Variants in ZNF154 observed in about 807,000 individuals in gnomAD.
ZNF154 encodes the protein zinc finger protein 154.
Under a neutral mutation model 7.5 loss-of-function variants are expected in ZNF154, and 6 were observed. That is an observed-to-expected ratio of 0.80 (90% CI 0.44 to 1.57). The LOEUF is 1.57. ZNF154 is among the 40% of genes most tolerant of loss of function. The pLI is 0.01. For missense variants in ZNF154, 485 were observed against 531.4 expected (o/e 0.91, Z 0.86); for synonymous variants, 187 against 185.9 (o/e 1.01, Z -0.05).
Position 57,702,780 on chromosome 19 carries a change from G to A in ZNF154, c.169C>T (p.His57Tyr). ...TTTTCTCCAAGGTGCTGCTTCTGAT[G>A]ATGAACATCTGCAATGAAATACAAT... is the stretch of plus-strand genomic sequence containing the variant. ...LALLTSLDVH[H>Y]QKQHLGEKHF... Residue 57 changes from histidine (H) to tyrosine (Y), a missense_variant, in exon 3 of 3, where the codon CAT (histidine) becomes TAT (tyrosine). Transcript: ENST00000684351. The A allele has an allele frequency of 6.3e-7, 1 of 1,597,556 alleles. No homozygotes were observed. The highest frequency in any genetic ancestry group is 8.6e-7 in the Non-Finnish European group (1 of 1,168,384).
In ZNF154 at chr19:57,701,910, G is replaced by A; in HGVS notation, c.1039C>T (p.His347Tyr). The part of the protein sequence containing the change: ...SFSQRSALLQ[H>Y]RGVHTGERPY... ...CTCTCCCCAGTGTGAACTCCCCGAT[G>A]TTGAAGGAGTGCAGACCTTTGGCTA... The change falls in exon 3 of 3, where the codon CAT becomes TAT. Residue 347 changes from histidine (H) to tyrosine (Y), a missense_variant. Physicochemically the swap from His to Tyr is moderately conservative, Grantham distance 83 (BLOSUM62 2). Transcript: ENST00000684351. 6.2e-7 allele frequency: 1 copy of A among 1,613,990 alleles called. No homozygotes were observed. The highest frequency in any genetic ancestry group is 8.5e-7 in the Non-Finnish European group (1 of 1,179,978).
At chr19:57,706,645 A>C (rs1985405297) in intron 1 of ZNF154, among the ~76,000 whole-genome samples, 1 of 152,230 alleles carries the variant, frequency 6.6e-6, no homozygotes, top group Non-Finnish European at 1.5e-5. Context: ...TTGAAAGTGT[A>C]TGCCACCTGC....
Position 57,701,415 on chromosome 19 carries a change from G to C in ZNF154, c.*220C>G. 1.7e-6 allele frequency: 1 copy of C among 574,996 alleles called. No homozygotes were observed. The highest frequency in any genetic ancestry group is 3.1e-6 in the Non-Finnish European group (1 of 324,698). The allele number at this position is 574,996 out of a possible 1,614,324, so 35.6% of individuals were successfully genotyped here. A position where few individuals can be genotyped will look rare whatever the true frequency, so the allele number is the denominator to read the frequency against. On this transcript the variant is annotated 3_prime_UTR_variant, in exon 3 of 3. Coordinates refer to ENST00000684351, the MANE Select transcript of ZNF154 (RefSeq NM_001085384.3). ...GAATTTATGCAGATGTTCAGATATA[G>C]GATGTTCAATTCAGGCTGATGCCAC... is the stretch of plus-strand genomic sequence containing the variant.
rs369158158 is a variant in ZNF154, at chr19:57,696,974, G to A, written c.*4661C>T. Among the ~76,000 whole-genome samples the A allele has an allele frequency of 1.3e-4, 20 of 152,290 alleles. No homozygotes were observed. The highest frequency in any genetic ancestry group is 4.8e-4 in the African/African-American group (20 of 41,552). ...GATGTTTGCTTTTCCTCTAGGTAAA[G>A]CCAGTAAGGTAATAGAGCATCACCT... On this transcript the variant is annotated 3_prime_UTR_variant, in exon 3 of 3. Transcript: ENST00000684351.
At position 57,696,982 on chromosome 19, in the gene ZNF154, G is replaced by C. The variant is rs77433596; in HGVS notation, c.*4653C>G. ...CTTTTCCTCTAGGTAAAGCCAGTAA[G>C]GTAATAGAGCATCACCTGTTAGGAT... is the stretch of plus-strand genomic sequence containing the variant. On this transcript the variant is annotated 3_prime_UTR_variant, in exon 3 of 3. Transcript: ENST00000684351. Among the ~76,000 whole-genome samples the C allele has an allele frequency of 4.7e-3, 713 of 152,300 alleles. 10 individuals carry two copies. The highest frequency in any genetic ancestry group is 7.0e-3 in the Admixed American group (107 of 15,300).
rs2122374400 is a variant in ZNF154 at position 57,699,076 on chromosome 19, G to A, written c.*2559C>T. On this transcript the variant is annotated 3_prime_UTR_variant, in exon 3 of 3. Coordinates refer to ENST00000684351, the MANE Select transcript of ZNF154 (RefSeq NM_001085384.3). ...CAAAGTGCTGGGATTACAGGTGTAA[G>A]CCACCGCATCTGGCCTCTTTTTTTT... 1 of 151,858 alleles carries A rather than the reference G, an allele frequency of 6.6e-6. No homozygotes were observed. Among genetic ancestry groups the A allele is most frequent in the African/African-American group, 2.4e-5 (1 of 41,306 alleles). 9.4% of individuals were successfully genotyped at this position (151,858 alleles called of 1,614,324 possible). A position where few individuals can be genotyped will look rare whatever the true frequency, so the allele number is the denominator to read the frequency against.
In ZNF154 at chr19:57,696,295, G is replaced by C. The variant is rs190016157; in HGVS notation, c.*5340C>G. Among the ~76,000 whole-genome samples, 98 of 152,200 alleles carry C rather than the reference G, an allele frequency of 6.4e-4. 1 individual carries two copies. The East Asian group carries it at 0.015, about 23-fold the overall frequency. ...CCAAGTAGAAGCTGTGGGGTCAGGG[G>C]GTTCTAAGAAGCCCCATTTCTCTTT... On this transcript the variant is annotated 3_prime_UTR_variant, in exon 3 of 3. Coordinates refer to ENST00000684351, the MANE Select transcript of ZNF154 (RefSeq NM_001085384.3).
chr19:57,697,098 T>C lies in ZNF154; in HGVS notation c.*4537A>G, dbSNP rs1984925827. On this transcript the variant is annotated 3_prime_UTR_variant, in exon 3 of 3. Coordinates refer to ENST00000684351, the MANE Select transcript of ZNF154 (RefSeq NM_001085384.3). ...AACGTGTGTAATGGGCTACATCTGC[T>C]AGGCCATATGAAGGAGTGAGGCTTT... Among the ~76,000 whole-genome samples the C allele has an allele frequency of 6.6e-6, 1 of 152,240 alleles. No individual in the cohort carries two copies. The highest frequency in any genetic ancestry group is 2.1e-4 in the South Asian group (1 of 4,832).
chr19:57,701,663 AT>A lies in ZNF154; in HGVS notation c.1285del (p.Ile429LeufsTer45). ...TCGACTATGAATTCTCTGATGTTTA[AT>A]AAGGCTGGAGTTATGGCTAAAGGAT... ...GKSFSHNSSL[I>X]KHQRIHSR On this transcript the variant is annotated frameshift_variant, in exon 3 of 3. Transcript: ENST00000684351. LOFTEE classifies it low-confidence loss of function (END_TRUNC). 1.2e-6 allele frequency: 2 copies of A among 1,612,848 alleles called. No homozygotes were observed. The highest frequency in any genetic ancestry group is 1.7e-6 in the Non-Finnish European group (2 of 1,178,874).
At chr19:57,707,134 G>T (rs971959353) in intron 1 of ZNF154, among the ~76,000 whole-genome samples, 2 of 112,674 alleles carry the variant, frequency 1.8e-5, no homozygotes, top group Non-Finnish European at 3.7e-5. Flanking sequence ...AAAAAAAATA[G>T]AACAACCCTT....
In ZNF154 at chr19:57,696,889, C is replaced by T. The variant is rs543091681; in HGVS notation, c.*4746G>A. On this transcript the variant is annotated 3_prime_UTR_variant, in exon 3 of 3. Coordinates refer to ENST00000684351, the MANE Select transcript of ZNF154 (RefSeq NM_001085384.3). ...GCTGGAAGCTCGCACTGTCCTGTCC[C>T]GATGTATCATCCAGCAGCCCCAAGG... Among the ~76,000 whole-genome samples, 23 of 152,160 alleles carry T rather than the reference C, an allele frequency of 1.5e-4. No individual in the cohort carries two copies. Among genetic ancestry groups the T allele is most frequent in the Non-Finnish European group, 2.1e-4 (14 of 68,028 alleles).
At position 57,702,504 on chromosome 19, in the gene ZNF154, C is replaced by G; in HGVS notation, c.445G>C (p.Val149Leu). The G allele has an allele frequency of 6.2e-7, 1 of 1,614,222 alleles. No homozygotes were observed. The highest frequency in any genetic ancestry group is 1.6e-4 in the Middle Eastern group (1 of 6,062). Reference sequence around the variant, plus strand: ...GTAGTGAGGGTTCTCTGCTGCTGAACAAGTGTGTGTTTACCGCTGAATGCT... The same window carrying G: ...GTAGTGAGGGTTCTCTGCTGCTGAAGAAGTGTGTGTTTACCGCTGAATGCT... ...TKAFSGKHTLVQQQRTLTTER... is the reference protein window; with the variant it reads ...TKAFSGKHTLLQQQRTLTTER... The change falls in exon 3 of 3, where the codon GTT (valine) becomes CTT (leucine). Residue 149 changes from valine (V) to leucine (L), a missense_variant. Coordinates refer to ENST00000684351, the MANE Select transcript of ZNF154 (RefSeq NM_001085384.3).
chr19:57,708,790 C>G (rs1204788979), intron 1 of ZNF154, 149 bp downstream of exon 1: 1 of 1,049,080 alleles, frequency 9.5e-7, no homozygotes, highest in African/African-American at 1.6e-5. Context: ...CACACCTCGT[C>G]ACACGCAGTG....
In ZNF154 at chr19:57,699,552, G is replaced by A; in HGVS notation, c.*2083C>T. On this transcript the variant is annotated 3_prime_UTR_variant, in exon 3 of 3. Coordinates refer to ENST00000684351, the MANE Select transcript of ZNF154 (RefSeq NM_001085384.3). ...GAAGAGAAGTAGTGGCCAGCCACTG[G>A]AAGTTGACAATGACCAATTGAGAGC... 1 of 265,972 alleles carries A rather than the reference G, an allele frequency of 3.8e-6. No individual in the cohort carries two copies. Among genetic ancestry groups the A allele is most frequent in the South Asian group, 3.8e-5 (1 of 26,424 alleles). 16.5% of individuals were successfully genotyped at this position (265,972 alleles called of 1,614,324 possible). A position where few individuals can be genotyped will look rare whatever the true frequency, so the allele number is the denominator to read the frequency against.
chr19:57,701,818 T>C lies in ZNF154; in HGVS notation c.1131A>G (p.Arg377=). 1 of 1,614,140 alleles carries C rather than the reference T, an allele frequency of 6.2e-7. No individual in the cohort carries two copies. Among genetic ancestry groups the C allele is most frequent in the Non-Finnish European group, 8.5e-7 (1 of 1,180,028 alleles). The change falls in exon 3 of 3, where the codon AGA becomes AGG. Residue 377 remains arginine (R), a synonymous_variant. Coordinates refer to ENST00000684351, the MANE Select transcript of ZNF154 (RefSeq NM_001085384.3). ...PYSSSLRKHQ[R]VHTGSRPYEC... Reference sequence around the variant, plus strand: ...CATAGGGTCTTGATCCAGTGTGAACTCTCTGGTGTTTTCGGAGACTGGAGC... The same window carrying C: ...CATAGGGTCTTGATCCAGTGTGAACCCTCTGGTGTTTTCGGAGACTGGAGC...
chr19:57,707,390 T>A (rs1985437619), intron 1 of ZNF154, among the ~76,000 whole-genome samples: 1 of 152,212 alleles, frequency 6.6e-6, no homozygotes, highest in Non-Finnish European at 1.5e-5. Flanking sequence ...GGGTCATCGC[T>A]GAATCCTGTT....
Position 57,709,179 on chromosome 19 carries a change from C to T in ZNF154, c.-208G>A. 1 of 608,968 alleles carries T rather than the reference C, an allele frequency of 1.6e-6. No homozygotes were observed. The highest frequency in any genetic ancestry group is 2.8e-6 in the Non-Finnish European group (1 of 352,268). 37.7% of individuals were successfully genotyped at this position (608,968 alleles called of 1,614,324 possible). On this transcript the variant is annotated 5_prime_UTR_variant, in exon 1 of 3. Coordinates refer to ENST00000684351, the MANE Select transcript of ZNF154 (RefSeq NM_001085384.3). ...GCTATCTCTGATCCGGTGAACACACCTCAGAGAAGCTAAAATGGCCGCCAC... is the reference window on the plus strand; with the variant it reads ...GCTATCTCTGATCCGGTGAACACACTTCAGAGAAGCTAAAATGGCCGCCAC...
rs1050977878 is a variant in ZNF154 at position 57,697,607 on chromosome 19, G to T, written c.*4028C>A. 3.3e-5 allele frequency: 5 copies of T among 152,114 alleles called. No homozygotes were observed. The highest frequency in any genetic ancestry group is 2.1e-4 in the South Asian group (1 of 4,832). The allele number at this position is 152,114 out of a possible 1,614,324, so 9.4% of individuals were successfully genotyped here. A position where few individuals can be genotyped will look rare whatever the true frequency, so the allele number is the denominator to read the frequency against. On this transcript the variant is annotated 3_prime_UTR_variant, in exon 3 of 3. Transcript: ENST00000684351. ...ATATATTTGTGTGATTTTTTGGGGG[G>T]TTATAAAAGAGCCTTTACATTTTAA... is the stretch of plus-strand genomic sequence containing the variant.
rs1296197062 is a variant in ZNF154 at position 57,696,470 on chromosome 19, A to G, written c.*5165T>C. ...GTACTGTGAGCACTCCTATTCCACA[A>G]ACATAAAACTGAGGTACCAAGAGGC... On this transcript the variant is annotated 3_prime_UTR_variant, in exon 3 of 3. Coordinates refer to ENST00000684351, the MANE Select transcript of ZNF154 (RefSeq NM_001085384.3). Among the ~76,000 whole-genome samples the G allele has an allele frequency of 6.6e-6, 1 of 152,092 alleles. No individual in the cohort carries two copies. Among genetic ancestry groups the G allele is most frequent in the East Asian group, 1.9e-4 (1 of 5,184 alleles).
Sources: allele counts gnomAD v4.1 joint callset (sites outside exome capture counted in the v4.1 genomes callset), GRCh38; gene constraint gnomAD v4.1.1; transcripts MANE v1.5; gene names NCBI Gene and HGNC (gene_info 2026-07-23, HGNC 2026-07-21).